The following EGF variants were observed in gnomAD, a reference collection of about 807,000 sequenced individuals.
The protein encoded by EGF is pro-epidermal growth factor.
EGF carries 95 observed loss-of-function variants against 143.8 expected under a neutral mutation model. The observed-to-expected ratio is 0.66, with a 90% CI of 0.56 to 0.78. The LOEUF (loss-of-function observed/expected upper bound fraction) is 0.78. Among genes scored for constraint, EGF ranks in the 30% least tolerant of loss-of-function variants. The pLI is 0.00. For synonymous variants in EGF, 510 were observed against 510.5 expected (o/e 1.00, Z 0.01); for missense variants, 1,320 against 1,470.9 (o/e 0.90, Z 1.68).
At position 110,013,566 on chromosome 4, in the gene EGF, T is replaced by C. The variant is rs1370456384; in HGVS notation, c.*2111T>C. 6.6e-6 allele frequency among the ~76,000 whole-genome samples: 1 copy of C among 152,154 alleles called. No individual in the cohort carries two copies. Among genetic ancestry groups the C allele is most frequent in the Non-Finnish European group, 1.5e-5 (1 of 68,026 alleles). On this transcript the variant is annotated 3_prime_UTR_variant, in exon 24 of 24. Transcript: ENST00000265171. ...AGTAATGTCCTCTTTCCTTTAAAAA[T>C]TCAAGTTTTAAGAACAGCATTTTCA...
At position 109,980,157 on chromosome 4, in the gene EGF, TAC is replaced by T. The variant is rs1283428407; in HGVS notation, c.2221+22_2221+23del. 2.5e-6 allele frequency: 4 copies of T among 1,581,342 alleles called. No individual in the cohort carries two copies. The African/African-American group carries it at 5.4e-5, about 21-fold the overall frequency. ...AAAACCAGGTACATACTGGAGATGTTACACAGTCTTTCCTTGGCTGGAATCTG... is the reference window on the plus strand; with the variant it reads ...AAAACCAGGTACATACTGGAGATGTTACAGTCTTTCCTTGGCTGGAATCTG... On this transcript the variant is annotated intron_variant, in intron 14 of 23. Transcript: ENST00000265171.
chr4:109,964,354 T>C (rs375293587), intron 9 of EGF, 47 bp from the exon 10 acceptor site: 656 of 1,613,150 alleles, frequency 4.1e-4, no homozygotes, highest in Non-Finnish European at 5.1e-4. Context: ...CCTCTTAGTT[T>C]CTAAGGCACG....
chr4:109,997,777 C>G lies in EGF; in HGVS notation c.3006-1902C>G, dbSNP rs573298198. On this transcript the variant is annotated intron_variant, in intron 20 of 23. Transcript: ENST00000265171. ...ACTTGGGAGGCTGAGGTGGGAGAAT[C>G]GCTTGAGCCCAGGAAGCTGAGATTG... Among the ~76,000 whole-genome samples the G allele has an allele frequency of 2.2e-4, 34 of 152,158 alleles. No homozygotes were observed. In the East Asian group the frequency reaches 5.4e-3, roughly 24 times the overall value.
At chr4:109,918,973 C>T (rs1361023419) in intron 1 of EGF, among the ~76,000 whole-genome samples, 1 of 152,192 alleles carries the variant, frequency 6.6e-6, no homozygotes. Context: ...GGCCGCTTTC[C>T]TGGGCCTCCT....
intron 5 of EGF, among the ~76,000 whole-genome samples, chr4:109,951,146 A>AAAAAT (rs59869160): frequency 0.26 from 34,543 of 132,754 alleles, 5,047 homozygotes; most frequent in Middle Eastern, 0.37. Flanking sequence ...GTCTCTACTA[A>AAAAAT]AAAATAAAAT....
In EGF at chr4:109,940,867, G is replaced by A. The variant is rs10029765; in HGVS notation, c.128-79G>A. The A allele has an allele frequency of 3.7e-3, 4,986 of 1,354,732 alleles. 147 individuals carry two copies. The African/African-American group carries it at 0.06, about 16-fold the overall frequency. 83.9% of individuals were successfully genotyped at this position (1,354,732 alleles called of 1,614,324 possible). ...ATTAAAAATTATTTCTGCTTGTGTTGGTTGTCATTGGGAAGTATTTTGTTT... is the reference window on the plus strand; with the variant it reads ...ATTAAAAATTATTTCTGCTTGTGTTAGTTGTCATTGGGAAGTATTTTGTTT... On this transcript the variant is annotated intron_variant, in intron 1 of 23. Transcript: ENST00000265171.
chr4:109,930,196 G>T (rs1488692939), intron 1 of EGF, among the ~76,000 whole-genome samples: 1 of 152,128 alleles, frequency 6.6e-6, no homozygotes. Context: ...ACCCAGTCTT[G>T]GGTATTTCTT....
rs1298013600 is a variant in EGF, at chr4:109,913,124, C to T, written c.-212C>T. 3.7e-6 allele frequency: 2 copies of T among 537,840 alleles called. No homozygotes were observed. Among genetic ancestry groups the T allele is most frequent in the South Asian group, 4.0e-5 (2 of 49,886 alleles). 33.3% of individuals were successfully genotyped at this position (537,840 alleles called of 1,614,324 possible). A position where few individuals can be genotyped will look rare whatever the true frequency, so the allele number is the denominator to read the frequency against. ...AGAAACATAGATAAAGAAATCTTTC[C>T]TGTGGCTTCCCTTGGCAGGCTGCAT... On this transcript the variant is annotated 5_prime_UTR_variant, in exon 1 of 24. Transcript: ENST00000265171.
rs764782326 is a variant in EGF, at chr4:109,988,626, C to A, written c.2651C>A (p.Ala884Asp). The change falls in exon 18 of 24, where the codon GCC (alanine) becomes GAC (aspartate). Residue 884 changes from alanine (A) to aspartate (D), a missense_variant. Physicochemically the swap from Ala to Asp is moderately radical, Grantham distance 126 (BLOSUM62 -2). Transcript: ENST00000265171. ...ATGGGTGTCCCAGTGTGCCCCCCTG[C>A]CTCCTCCAAGTGCATCAACACCGAA... ...CEMGVPVCPP[A>D]SSKCINTEGG... The A allele has an allele frequency of 1.2e-6, 2 of 1,614,094 alleles. No individual in the cohort carries two copies. Among genetic ancestry groups the A allele is most frequent in the South Asian group, 2.2e-5 (2 of 91,084 alleles).
intron 13 of EGF, among the ~76,000 whole-genome samples, chr4:109,978,731 C>A (rs1302133443): frequency 6.6e-6 from 1 of 152,140 alleles, no homozygotes; most frequent in Admixed American, 6.5e-5. Flanking sequence ...TTCTGTTATG[C>A]TTTTTCACCA....
At chr4:109,992,845 G>T (rs1009018763) in intron 18 of EGF, among the ~76,000 whole-genome samples, 1 of 150,850 alleles carries the variant, frequency 6.6e-6, no homozygotes, top group Admixed American at 6.7e-5. Flanking sequence ...ACTATCACAA[G>T]GACAAAAAAC....
At chr4:109,991,142 G>A (rs907278903) in intron 18 of EGF, among the ~76,000 whole-genome samples, 1 of 152,074 alleles carries the variant, frequency 6.6e-6, no homozygotes, top group Non-Finnish European at 1.5e-5. Flanking sequence ...CATTACAACT[G>A]TAAAATGAAA....
At chr4:109,957,861 A>G (rs529539708) in intron 5 of EGF, among the ~76,000 whole-genome samples, 1 of 152,352 alleles carries the variant, frequency 6.6e-6, no homozygotes, top group East Asian at 1.9e-4. Flanking sequence ...ACCTCTTGCC[A>G]GGCCTCTGGC....
chr4:109,999,908 G>T, intron 21 of EGF, 62 bp downstream of exon 21: 3 of 1,605,266 alleles, frequency 1.9e-6, no homozygotes, highest in Non-Finnish European at 2.6e-6. Flanking sequence ...GGGAATGCCT[G>T]TCTCCTTGAG....
chr4:109,991,015 G>T (rs1578363440), intron 18 of EGF, among the ~76,000 whole-genome samples: 1 of 152,260 alleles, frequency 6.6e-6, no homozygotes, highest in East Asian at 1.9e-4. Context: ...TAACAGATGG[G>T]TTGGGTTACC....
At chr4:109,919,158 T>C (rs918976193) in intron 1 of EGF, among the ~76,000 whole-genome samples, 1 of 152,246 alleles carries the variant, frequency 6.6e-6, no homozygotes, top group African/African-American at 2.4e-5. Flanking sequence ...TGTACTCCTT[T>C]GAGAATTTCT....
intron 13 of EGF, among the ~76,000 whole-genome samples, chr4:109,979,510 C>A (rs1749005413): frequency 6.6e-6 from 1 of 152,060 alleles, no homozygotes; most frequent in African/African-American, 2.4e-5. Context: ...TATACAATTA[C>A]CTCAAATTTT....
Position 110,011,674 on chromosome 4 carries a change from C to G in EGF, c.*219C>G. 1.5e-6 allele frequency: 1 copy of G among 688,690 alleles called. No homozygotes were observed. The highest frequency in any genetic ancestry group is 2.3e-6 in the Non-Finnish European group (1 of 425,768). The allele number at this position is 688,690 out of a possible 1,614,324, so 42.7% of individuals were successfully genotyped here. On this transcript the variant is annotated 3_prime_UTR_variant, in exon 24 of 24. Transcript: ENST00000265171. ...CCAAGTAAGAGTACTGGGAGAATCACTAGGTAACTTATTAGAAACCCAAAT... is the reference window on the plus strand; with the variant it reads ...CCAAGTAAGAGTACTGGGAGAATCAGTAGGTAACTTATTAGAAACCCAAAT...
At chr4:109,986,136 AAAC>A (rs911886547) in intron 16 of EGF, among the ~76,000 whole-genome samples, 12 of 152,330 alleles carry the variant, frequency 7.9e-5, no homozygotes, top group South Asian at 4.1e-4. Flanking sequence ...TTTGTGGCAG[AAAC>A]AACAACAACA....
Sources: gnomAD v4.1 joint callset for allele counts (sites outside exome capture counted in the v4.1 genomes callset) on GRCh38, gnomAD v4.1.1 for gene constraint, MANE v1.5 for transcripts, NCBI Gene and HGNC (gene_info 2026-07-23, HGNC 2026-07-21) for gene names.